PAK5: variants seen among roughly 807,000 people sequenced by gnomAD.
PAK5 encodes p21 (RAC1) activated kinase 5, also known as serine/threonine-protein kinase PAK 5.
Under a neutral mutation model 65.9 loss-of-function variants are expected in PAK5, and 16 were observed. The ratio of observed to expected loss-of-function variants is 0.24; its 90% CI spans 0.16 to 0.37. PAK5 has a LOEUF of 0.37. PAK5 is among the 10% of genes least tolerant of loss of function. The pLI, the probability that PAK5 is intolerant of heterozygous loss-of-function variation, is 1.00. For missense variants in PAK5, 785 were observed against 903.9 expected (o/e 0.87, Z 1.69); for synonymous variants, 371 against 354.9 (o/e 1.05, Z -0.51).
chr20:9,721,233 C>T (rs1569058370), intron 1 of PAK5, among the ~76,000 whole-genome samples: 2 of 152,072 alleles, frequency 1.3e-5, no homozygotes, highest in African/African-American at 4.8e-5. Flanking sequence ...GGTTTCCCAC[C>T]ATTATATGGG....
At chr20:9,708,953 A>G (rs2048043534) in intron 2 of PAK5, among the ~76,000 whole-genome samples, 1 of 151,390 alleles carries the variant, frequency 6.6e-6, no homozygotes, top group Non-Finnish European at 1.5e-5. Context: ...CATCCACACT[A>G]CCCTACAAAC....
At chr20:9,772,763 A>C (rs1391411335) in intron 1 of PAK5, among the ~76,000 whole-genome samples, 1 of 152,256 alleles carries the variant, frequency 6.6e-6, no homozygotes, top group African/African-American at 2.4e-5. Flanking sequence ...TGGGTCCTCC[A>C]GCAGAGACTT....
intron 1 of PAK5, among the ~76,000 whole-genome samples, chr20:9,715,769 C>T (rs2048137798): frequency 6.6e-6 from 1 of 151,922 alleles, no homozygotes; most frequent in African/African-American, 2.4e-5. Flanking sequence ...AGCTGGAAAC[C>T]ATCATTCTCA....
chr20:9,790,668 A>AT (rs1433907522), intron 1 of PAK5, among the ~76,000 whole-genome samples: 1 of 151,914 alleles, frequency 6.6e-6, no homozygotes, highest in African/African-American at 2.4e-5. Context: ...ACAACACCTA[A>AT]TTTTTTATTT....
intron 7 of PAK5, among the ~76,000 whole-genome samples, chr20:9,556,630 C>G (rs2045512104): frequency 6.6e-6 from 1 of 152,206 alleles, no homozygotes; most frequent in African/African-American, 2.4e-5. Context: ...TTAACTAAGC[C>G]TTCCTTGGAA....
At chr20:9,590,182 G>C (rs1471244554) in intron 3 of PAK5, among the ~76,000 whole-genome samples, 3 of 152,022 alleles carry the variant, frequency 2.0e-5, no homozygotes, top group Non-Finnish European at 4.4e-5. Flanking sequence ...TGTTGCCCAG[G>C]GTGGTCTCAA....
chr20:9,767,699 G>T (rs926498), intron 1 of PAK5, among the ~76,000 whole-genome samples: 69,982 of 151,934 alleles, frequency 0.46, 16,487 homozygotes, highest in East Asian at 0.78. Flanking sequence ...TCACCCCCTT[G>T]CCTCCCTCTG....
At chr20:9,569,714 G>A (rs1195767687) in intron 4 of PAK5, among the ~76,000 whole-genome samples, 1 of 149,124 alleles carries the variant, frequency 6.7e-6, no homozygotes, top group Non-Finnish European at 1.5e-5. Flanking sequence ...ATCACATCAT[G>A]GAGCAATAAC....
intron 1 of PAK5, among the ~76,000 whole-genome samples, chr20:9,814,382 CTG>C (rs888909541): frequency 4.6e-5 from 7 of 152,068 alleles, no homozygotes; most frequent in African/African-American, 1.7e-4. Context: ...GGGCTTAACA[CTG>C]TGTCTAGCAT....
chr20:9,674,458 G>C (rs573078188), intron 2 of PAK5, among the ~76,000 whole-genome samples: 1 of 152,292 alleles, frequency 6.6e-6, no homozygotes, highest in East Asian at 1.9e-4. Context: ...GTTTCCCTCT[G>C]AGGTACTTCC....
At position 9,566,141 on chromosome 20, in the gene PAK5, G is replaced by T. The variant is rs772481025; in HGVS notation, c.1234C>A (p.Pro412Thr). The part of the protein sequence containing the change: ...SSLSLSSSTY[P>T]PPSWGSSSDQ... The stretch of plus-strand genomic sequence containing the variant: ...GAGGAGGAGCCCCAGCTGGGCGGCG[G>T]GTAGGTGCTGGATGAGAGGCTGAGG... The change falls in exon 5 of 10, where the codon CCG becomes ACG. Residue 412 changes from proline to threonine, a missense_variant. By Grantham distance (38) the Pro-to-Thr change is conservative. Around this residue, in one of 4 missense-constraint regions of PAK5, gnomAD observed 422 missense variants for 413.3 expected, o/e 1.02. Coordinates refer to ENST00000353224, the MANE Select transcript of PAK5 (RefSeq NM_177990.4). 1.2e-6 allele frequency: 2 copies of T among 1,613,956 alleles called. No homozygotes were observed. The highest frequency in any genetic ancestry group is 1.7e-6 in the Non-Finnish European group (2 of 1,179,954).
intron 1 of PAK5, among the ~76,000 whole-genome samples, chr20:9,729,822 C>T (rs1446568926): frequency 6.6e-6 from 1 of 151,344 alleles, no homozygotes; most frequent in Non-Finnish European, 1.5e-5. Context: ...TCATGCCCAA[C>T]ATGGCAAAAC....
rs887506157 is a variant in PAK5, at chr20:9,644,137, C to G, written c.192G>C (p.Leu64=). 2 of 1,613,802 alleles carry G rather than the reference C, an allele frequency of 1.2e-6. No homozygotes were observed. Among genetic ancestry groups the G allele is most frequent in the Non-Finnish European group, 1.7e-6 (2 of 1,179,772 alleles). ...GCCCTCACCATACCTTCATAGGAGC[C>G]AGCTGGATGGGTGTGATGCATGAAG... ...VDPSCITPIQ[L]APMKTIVRGN... The change falls in exon 3 of 10, where the codon CTG becomes CTC. Residue 64 remains leucine, a synonymous_variant. Transcript: ENST00000353224.
intron 2 of PAK5, among the ~76,000 whole-genome samples, chr20:9,684,766 C>T (rs2049512984): frequency 6.6e-6 from 1 of 152,158 alleles, no homozygotes; most frequent in Non-Finnish European, 1.5e-5. Flanking sequence ...ATAGCTTTTC[C>T]TCCTCTTTTC....
rs2045396844 is a variant in PAK5 at position 9,549,628 on chromosome 20, A to T, written c.1744-5134T>A. Among the ~76,000 whole-genome samples, 3 of 152,168 alleles carry T rather than the reference A, an allele frequency of 2.0e-5. No homozygotes were observed. In the South Asian group the frequency reaches 6.2e-4, roughly 32 times the overall value. Reference sequence around the variant, plus strand: ...TGTGAAAGGAAAATAAAAACTCAGGACGCCAATTCATTCTGCCAAGAGGAA... The same window carrying T: ...TGTGAAAGGAAAATAAAAACTCAGGTCGCCAATTCATTCTGCCAAGAGGAA... On this transcript the variant is annotated intron_variant, in intron 7 of 9. Coordinates refer to ENST00000353224, the MANE Select transcript of PAK5 (RefSeq NM_177990.4).
chr20:9,808,422 G>A (rs2049258756), intron 1 of PAK5, among the ~76,000 whole-genome samples: 1 of 152,134 alleles, frequency 6.6e-6, no homozygotes, highest in Admixed American at 6.6e-5. Flanking sequence ...GAAAATGTAT[G>A]TTCACACACA....
intron 1 of PAK5, among the ~76,000 whole-genome samples, chr20:9,748,131 G>C (rs1387378986): frequency 6.6e-6 from 1 of 151,926 alleles, no homozygotes; most frequent in African/African-American, 2.4e-5. Flanking sequence ...ACTTACAAGG[G>C]ACGTGAAGGA....
chr20:9,672,869 A>G (rs1413649263), intron 2 of PAK5, among the ~76,000 whole-genome samples: 2 of 152,176 alleles, frequency 1.3e-5, no homozygotes, highest in African/African-American at 2.4e-5. Flanking sequence ...TGCATTTGGT[A>G]ATTCTTGAGC....
At chr20:9,835,080 C>A (rs113928663) in intron 1 of PAK5, among the ~76,000 whole-genome samples, 31 of 152,268 alleles carry the variant, frequency 2.0e-4, no homozygotes, top group African/African-American at 6.7e-4. Context: ...TTCTAAATTG[C>A]TCTTTCTATA....
Sources: gnomAD v4.1 joint callset for allele counts (sites outside exome capture counted in the v4.1 genomes callset) on GRCh38, gnomAD v4.1.1 for gene constraint, gnomAD v4.1.1 regional missense constraint, MANE v1.5 for transcripts, NCBI Gene and HGNC (gene_info 2026-07-23, HGNC 2026-07-21) for gene names.